The following FOXJ3 variants were observed in gnomAD, a reference collection of about 807,000 sequenced individuals.
The protein encoded by FOXJ3 is forkhead box protein J3.
In FOXJ3, 22 loss-of-function variants were observed where a neutral mutation model predicts 76.1. That is an observed-to-expected ratio of 0.29 (90% confidence interval 0.21 to 0.41). FOXJ3 has a LOEUF of 0.41. Ranked by LOEUF, FOXJ3 falls within the 10% of genes least tolerant of loss-of-function variation. The pLI is 1.00. For missense variants in FOXJ3, 613 were observed against 762.1 expected (o/e 0.80, Z 2.30); for synonymous variants, 269 against 261.2 (o/e 1.03, Z -0.29).
intron 4 of FOXJ3, among the ~76,000 whole-genome samples, chr1:42,247,355 T>A (rs1340221896): frequency 6.6e-6 from 1 of 151,970 alleles, no homozygotes; most frequent in East Asian, 1.9e-4. Flanking sequence ...AACCACACAA[T>A]AAAAGGAAAT....
At chr1:42,331,108 C>T (rs887940396) in intron 1 of FOXJ3, among the ~76,000 whole-genome samples, 2 of 152,064 alleles carry the variant, frequency 1.3e-5, no homozygotes, top group African/African-American at 4.8e-5. Flanking sequence ...TGACCAGGCG[C>T]GGTGGCTTAC....
At chr1:42,224,110 A>G (rs1420780594) in intron 5 of FOXJ3, among the ~76,000 whole-genome samples, 1 of 152,248 alleles carries the variant, frequency 6.6e-6, no homozygotes, top group Non-Finnish European at 1.5e-5. Context: ...ACTGAAGTGC[A>G]AAGAATTTAA....
intron 4 of FOXJ3, among the ~76,000 whole-genome samples, chr1:42,237,411 TATATATA>T (rs1648750837): frequency 3.9e-5 from 1 of 25,722 alleles, no homozygotes; most frequent in East Asian, 2.0e-3. Flanking sequence ...CATACATATA[TATATATA>T]TATATATATA....
rs531287890 is a variant in FOXJ3 at position 42,224,672 on chromosome 1, T to G, written c.528+3211A>C. On this transcript the variant is annotated intron_variant, in intron 5 of 12. Transcript: ENST00000361346. ...TGTCTCAAAAGAAAAAATAAATAAA[T>G]AAAAATAAGAAAGAAAAAATAATAT... is the stretch of plus-strand genomic sequence containing the variant. Among the ~76,000 whole-genome samples, 7 of 151,376 alleles carry G rather than the reference T, an allele frequency of 4.6e-5. No homozygotes were observed. In the South Asian group the frequency reaches 6.3e-4, roughly 14 times the overall value.
chr1:42,182,163 C>A, intron 11 of FOXJ3, 139 bp from the exon 12 acceptor site: 1 of 579,204 alleles, frequency 1.7e-6, no homozygotes, highest in East Asian at 3.1e-5. Context: ...GAAAATATTA[C>A]TCCTTTCAGA....
chr1:42,195,917 T>C (rs1646641899), intron 7 of FOXJ3, among the ~76,000 whole-genome samples: 1 of 152,252 alleles, frequency 6.6e-6, no homozygotes, highest in African/African-American at 2.4e-5. Flanking sequence ...GTGATTATCC[T>C]GGAACAAGTG....
At chr1:42,185,076 A>C (rs1003124899) in intron 11 of FOXJ3, among the ~76,000 whole-genome samples, 15 of 151,976 alleles carry the variant, frequency 9.9e-5, no homozygotes, top group African/African-American at 3.6e-4. Context: ...CAGAAAACAG[A>C]CGTGACATGA....
Position 42,227,970 on chromosome 1 carries a change from G to A in FOXJ3, c.445-4C>T, listed in dbSNP as rs1169479211. On this transcript the variant is annotated splice_region_variant and splice_polypyrimidine_tract_variant and intron_variant, in intron 4 of 12. Transcript: ENST00000361346. ...TGTCTATTGCCCAGTAGGACCCCTA[G>A]AGGTAAAGAAATTATATTAACAGTA... 2.7e-6 allele frequency: 4 copies of A among 1,485,656 alleles called. No individual in the cohort carries two copies. Among genetic ancestry groups the A allele is most frequent in the African/African-American group, 1.4e-5 (1 of 72,928 alleles). 92.0% of individuals were successfully genotyped at this position (1,485,656 alleles called of 1,614,324 possible). A position where few individuals can be genotyped will look rare whatever the true frequency, so the allele number is the denominator to read the frequency against.
intron 1 of FOXJ3, among the ~76,000 whole-genome samples, chr1:42,321,349 T>C (rs1381262149): frequency 6.6e-6 from 1 of 152,152 alleles, no homozygotes; most frequent in Non-Finnish European, 1.5e-5. Flanking sequence ...CAGAAATTAG[T>C]AGTCTGCCAA....
rs150168215 is a variant in FOXJ3, at chr1:42,177,756, AAC to A, written c.*1952_*1953del. On this transcript the variant is annotated 3_prime_UTR_variant, in exon 13 of 13. Coordinates refer to ENST00000361346, the MANE Select transcript of FOXJ3 (RefSeq NM_014947.5). The stretch of plus-strand genomic sequence containing the variant: ...TTCATTCAAGGCAACACTCCATTAA[AAC>A]ACACACACACACACGCGCGCGCACA... 2.2e-4 allele frequency: 33 copies of A among 151,848 alleles called. No homozygotes were observed. Among genetic ancestry groups the A allele is most frequent in the Admixed American group, 4.6e-4 (7 of 15,172 alleles). 9.4% of individuals were successfully genotyped at this position (151,848 alleles called of 1,614,324 possible).
chr1:42,324,184 T>TGTGTATATATAC (rs1486729778), intron 1 of FOXJ3, among the ~76,000 whole-genome samples: 1 of 85,666 alleles, frequency 1.2e-5, no homozygotes, highest in African/African-American at 3.8e-5. Flanking sequence ...ATATAAATTC[T>TGTGTATATATAC]AGGAATATAT....
chr1:42,274,485 C>T (rs1570125242), intron 3 of FOXJ3, among the ~76,000 whole-genome samples: 1 of 152,294 alleles, frequency 6.6e-6, no homozygotes, highest in South Asian at 2.1e-4. Context: ...TGAAAAAAAT[C>T]TCTACATCTA....
chr1:42,276,419 C>A (rs931690015), intron 3 of FOXJ3, among the ~76,000 whole-genome samples: 1 of 151,988 alleles, frequency 6.6e-6, no homozygotes, highest in African/African-American at 2.4e-5. Context: ...ACCGTTATAA[C>A]CTACCAATGA....
chr1:42,275,365 C>T (rs1652182077), intron 3 of FOXJ3, among the ~76,000 whole-genome samples: 3 of 152,154 alleles, frequency 2.0e-5, no homozygotes, highest in Admixed American at 2.0e-4. Context: ...ACATAGCACA[C>T]GACTTGTTAA....
intron 5 of FOXJ3, among the ~76,000 whole-genome samples, chr1:42,223,834 A>G (rs1647334135): frequency 6.6e-6 from 1 of 152,250 alleles, no homozygotes; most frequent in Non-Finnish European, 1.5e-5. Flanking sequence ...TGTAGTCTTC[A>G]GCATAACAAA....
At chr1:42,192,764 A>G (rs1344440709) in intron 8 of FOXJ3, among the ~76,000 whole-genome samples, 2 of 136,166 alleles carry the variant, frequency 1.5e-5, no homozygotes, top group South Asian at 2.1e-4. Flanking sequence ...TTATTGAATG[A>G]AAAAAAAAAA....
intron 1 of FOXJ3, among the ~76,000 whole-genome samples, chr1:42,332,873 T>C (rs1656243378): frequency 6.6e-6 from 1 of 152,230 alleles, no homozygotes. Flanking sequence ...CCTTACACTT[T>C]TGACCTTGGT....
intron 5 of FOXJ3, among the ~76,000 whole-genome samples, chr1:42,227,194 C>T (rs950550521): frequency 5.3e-5 from 8 of 152,136 alleles, no homozygotes; most frequent in African/African-American, 1.4e-4. Context: ...CTTCACAAAG[C>T]AGTTAACATT....
intron 2 of FOXJ3, among the ~76,000 whole-genome samples, chr1:42,302,530 G>A (rs1034503313): frequency 6.6e-6 from 1 of 152,158 alleles, no homozygotes; most frequent in African/African-American, 2.4e-5. Flanking sequence ...GGGTCCAATG[G>A]GCAACCACCA....
Sources: allele counts gnomAD v4.1 joint callset (sites outside exome capture counted in the v4.1 genomes callset), GRCh38; gene constraint gnomAD v4.1.1; transcripts MANE v1.5; gene names NCBI Gene and HGNC (gene_info 2026-07-23, HGNC 2026-07-21).